COL4A5: variants seen among roughly 807,000 people sequenced by gnomAD.
COL4A5 encodes the protein collagen type IV alpha 5 chain.
COL4A5 carries 26 observed loss-of-function variants against 130.2 expected under a neutral mutation model. The observed-to-expected ratio is 0.20, with a 90% CI of 0.15 to 0.28. COL4A5 has a LOEUF of 0.28. COL4A5 is among the 10% of genes least tolerant of loss of function. COL4A5 has a pLI of 1.00. For missense variants in COL4A5, 1,131 were observed against 1,344.3 expected (o/e 0.84, Z 2.48); for synonymous variants, 496 against 439.6 (o/e 1.13, Z -1.60).
intron 31 of COL4A5, among the ~76,000 whole-genome samples, 196 bp downstream of exon 31, chrX:108,620,622 T>A (rs1456587945): frequency 8.9e-6 from 1 of 112,106 alleles, no homozygotes; most frequent in African/African-American, 3.2e-5. Context: ...CAGTTATATA[T>A]TACTGTATAA....
intron 1 of COL4A5, among the ~76,000 whole-genome samples, chrX:108,460,888 A>C (rs2064642219): frequency 9.1e-6 from 1 of 109,295 alleles, no homozygotes; most frequent in Admixed American, 9.9e-5. Flanking sequence ...ATAGTGAATA[A>C]ATTCATTCTT....
chrX:108,624,655 A>G (rs761746155), intron 34 of COL4A5, among the ~76,000 whole-genome samples: 93 of 112,103 alleles, frequency 8.3e-4, no homozygotes, highest in African/African-American at 2.9e-3. Context: ...AAATGAGACA[A>G]TTATCTCATG....
chrX:108,515,112 A>G (rs1357864856), intron 1 of COL4A5, among the ~76,000 whole-genome samples: 1 of 111,812 alleles, frequency 8.9e-6, no homozygotes, highest in Non-Finnish European at 1.9e-5. Flanking sequence ...ACACTTACAT[A>G]GTTTTTTATT....
chrX:108,685,938 G>T (rs1239514894), intron 47 of COL4A5, 93 bp from the exon 48 acceptor site: 6 of 748,567 alleles, frequency 8.0e-6, no homozygotes, highest in Non-Finnish European at 1.2e-5. Flanking sequence ...ACCAAATTGT[G>T]AATTCAGTGT....
chrX:108,457,972 A>C (rs1191742747), intron 1 of COL4A5, among the ~76,000 whole-genome samples: 5 of 111,903 alleles, frequency 4.5e-5, no homozygotes, highest in Non-Finnish European at 9.4e-5. Context: ...TTCTGCATAT[A>C]ATATATTCAT....
At chrX:108,497,893 TA>T (rs2065047868) in intron 1 of COL4A5, among the ~76,000 whole-genome samples, 1 of 111,764 alleles carries the variant, frequency 8.9e-6, no homozygotes, top group Non-Finnish European at 1.9e-5. Context: ...ACCTGTTTTT[TA>T]TATATTATGG....
rs764718397 is a variant in COL4A5 at position 108,679,492 on chromosome X, C to T, written c.3943-1187C>T. 7.2e-5 allele frequency among the ~76,000 whole-genome samples: 8 copies of T among 111,506 alleles called. No homozygotes were observed. The East Asian group carries it at 2.0e-3, about 27-fold the overall frequency. ...ATTTCTAAACTATCATTACTTATTT[C>T]GATGCTCTCATTGTTCCAGATTTGG... is the stretch of plus-strand genomic sequence containing the variant. On this transcript the variant is annotated intron_variant, in intron 44 of 52. Transcript: ENST00000328300.
intron 40 of COL4A5, among the ~76,000 whole-genome samples, chrX:108,667,510 C>A (rs780675150): frequency 9.1e-6 from 1 of 109,699 alleles, no homozygotes. Context: ...TAGAAATATA[C>A]GCCAATAATA....
chrX:108,681,520 T>A (rs1335931303), intron 46 of COL4A5, among the ~76,000 whole-genome samples: 1 of 111,599 alleles, frequency 9.0e-6, no homozygotes, highest in East Asian at 2.8e-4. Flanking sequence ...CTGAGTAAGA[T>A]TCAAGGTTTG....
chrX:108,603,290 A>G (rs2066673510), intron 28 of COL4A5, among the ~76,000 whole-genome samples: 1 of 106,245 alleles, frequency 9.4e-6, no homozygotes, highest in Non-Finnish European at 1.9e-5. Flanking sequence ...TAATTTCTGT[A>G]CCTACTTTTG....
intron 1 of COL4A5, among the ~76,000 whole-genome samples, chrX:108,475,163 A>G (rs2064819187): frequency 9.0e-6 from 1 of 111,291 alleles, no homozygotes; most frequent in Non-Finnish European, 1.9e-5. Context: ...TAGGGATGGC[A>G]TTGAATCTGT....
intron 1 of COL4A5, among the ~76,000 whole-genome samples, chrX:108,482,377 G>A (rs1360668357): frequency 9.0e-6 from 1 of 111,229 alleles, no homozygotes; most frequent in East Asian, 2.8e-4. Flanking sequence ...ATCTTGCCTG[G>A]CAATTGCCTC....
chrX:108,525,475 C>T (rs1318192750), intron 1 of COL4A5, among the ~76,000 whole-genome samples: 1 of 111,173 alleles, frequency 9.0e-6, no homozygotes, highest in Non-Finnish European at 1.9e-5. Context: ...AATCCATGCA[C>T]ATTCAATGTT....
intron 7 of COL4A5, 86 bp from the exon 8 acceptor site, chrX:108,571,725 T>C (rs1446332808): frequency 4.1e-6 from 3 of 730,488 alleles, no homozygotes; most frequent in Non-Finnish European, 6.4e-6. Context: ...AGTCTACTCA[T>C]TTTATACTCT....
At chrX:108,692,718 C>T (rs773393391) in intron 49 of COL4A5, 30 bp from the exon 50 acceptor site, 1 of 1,199,270 alleles carries the variant, frequency 8.3e-7, no homozygotes, top group East Asian at 3.0e-5. Context: ...TCACGCAGTC[C>T]TTTACTGTTT....
intron 1 of COL4A5, among the ~76,000 whole-genome samples, chrX:108,495,984 G>T (rs1331969542): frequency 2.7e-5 from 3 of 112,182 alleles, no homozygotes; most frequent in East Asian, 2.8e-4. Flanking sequence ...TCTGGTGGGA[G>T]GTTGATTACA....
At chrX:108,587,799 G>T (rs1290144666) in intron 19 of COL4A5, among the ~76,000 whole-genome samples, 2 of 110,196 alleles carry the variant, frequency 1.8e-5, no homozygotes. Context: ...TTGTCTTTTT[G>T]ATGATAGCCA....
intron 29 of COL4A5, among the ~76,000 whole-genome samples, chrX:108,607,788 G>T (rs953516407): frequency 9.0e-6 from 1 of 111,391 alleles, no homozygotes; most frequent in African/African-American, 3.3e-5. Context: ...TACCAGCCAA[G>T]AATTTGTTTT....
intron 1 of COL4A5, among the ~76,000 whole-genome samples, chrX:108,478,119 T>C (rs1198265434): frequency 9.0e-6 from 1 of 111,477 alleles, no homozygotes; most frequent in East Asian, 2.8e-4. Context: ...CTGTATTCCA[T>C]GCATACTCTT....
Sources: allele counts gnomAD v4.1 joint callset (sites outside exome capture counted in the v4.1 genomes callset), GRCh38; gene constraint gnomAD v4.1.1; transcripts MANE v1.5; gene names NCBI Gene and HGNC (gene_info 2026-07-23, HGNC 2026-07-21).